Variants in PKIA observed in about 807,000 individuals in gnomAD.
PKIA encodes the protein cAMP-dependent protein kinase inhibitor alpha, also known as PKI-alpha.
PKIA carries 4 observed loss-of-function variants against 7.6 expected under a neutral mutation model. That is an observed-to-expected ratio of 0.52 (90% CI 0.26 to 1.20). The LOEUF (loss-of-function observed/expected upper bound fraction) is 1.20. PKIA is among the 50% of genes most tolerant of loss of function. PKIA has a pLI of 0.13. For missense variants in PKIA, 73 were observed against 86.2 expected (o/e 0.85, Z 0.61); for synonymous variants, 21 against 30.7 (o/e 0.68, Z 1.04).
At chr8:78,563,911 T>TG (rs1201268727) in intron 1 of PKIA, among the ~76,000 whole-genome samples, 39 of 152,230 alleles carry the variant, frequency 2.6e-4, no homozygotes, top group African/African-American at 7.9e-4. Flanking sequence ...AGGTCGGCTG[T>TG]GGAAGACTCA....
At chr8:78,522,171 A>T (rs1243233145) in intron 1 of PKIA, among the ~76,000 whole-genome samples, 1 of 151,978 alleles carries the variant, frequency 6.6e-6, no homozygotes, top group African/African-American at 2.4e-5. Flanking sequence ...AAACATGGCT[A>T]GCATATAACA....
chr8:78,540,449 GC>G (rs1357878749), intron 1 of PKIA, among the ~76,000 whole-genome samples: 1 of 152,054 alleles, frequency 6.6e-6, no homozygotes, highest in Non-Finnish European at 1.5e-5. Context: ...TCAAATCCCT[GC>G]AGGGCCAAAC....
At chr8:78,555,941 G>C (rs1807122760) in intron 1 of PKIA, among the ~76,000 whole-genome samples, 1 of 151,958 alleles carries the variant, frequency 6.6e-6, no homozygotes, top group South Asian at 2.1e-4. Flanking sequence ...GGCACTGGTG[G>C]GTAAAGGGGT....
chr8:78,554,120 C>T (rs1807065830), intron 1 of PKIA, among the ~76,000 whole-genome samples: 1 of 152,020 alleles, frequency 6.6e-6, no homozygotes, highest in South Asian at 2.1e-4. Context: ...TCACAAGTCA[C>T]AGAAGCAGAA....
intron 2 of PKIA, among the ~76,000 whole-genome samples, chr8:78,592,728 C>G (rs1157963790): frequency 1.3e-5 from 2 of 152,116 alleles, no homozygotes; most frequent in Non-Finnish European, 2.9e-5. Flanking sequence ...TTAAAATTCC[C>G]ACATAGATAA....
In PKIA at chr8:78,603,897, T is replaced by C. The variant is rs1186618937; in HGVS notation, c.*2076T>C. Reference sequence around the variant, plus strand: ...ACTGTTATTAATGCATGTGGTGCCATGCTTGTCTTTAAATATATAAATAGT... The same window carrying C: ...ACTGTTATTAATGCATGTGGTGCCACGCTTGTCTTTAAATATATAAATAGT... On this transcript the variant is annotated 3_prime_UTR_variant, in exon 4 of 4. Transcript: ENST00000396418. 2.0e-5 allele frequency: 3 copies of C among 152,020 alleles called. No individual in the cohort carries two copies. The highest frequency in any genetic ancestry group is 3.9e-4 in the East Asian group (2 of 5,182). The allele number at this position is 152,020 out of a possible 1,614,324, so 9.4% of individuals were successfully genotyped here.
chr8:78,521,067 G>A (rs367892109), intron 1 of PKIA, among the ~76,000 whole-genome samples: 3 of 152,010 alleles, frequency 2.0e-5, no homozygotes, highest in African/African-American at 2.4e-5. Flanking sequence ...AGCTCCGAAC[G>A]TTACACATTC....
At chr8:78,565,108 G>T (rs899706193) in intron 1 of PKIA, among the ~76,000 whole-genome samples, 19 of 151,890 alleles carry the variant, frequency 1.3e-4, no homozygotes, top group African/African-American at 4.1e-4. Context: ...TACCAGAAAA[G>T]ATCAGACTTA....
intron 1 of PKIA, among the ~76,000 whole-genome samples, chr8:78,530,622 C>T (rs1369756741): frequency 2.0e-5 from 3 of 151,938 alleles, no homozygotes; most frequent in South Asian, 4.1e-4. Flanking sequence ...TAAACATTGA[C>T]ATTGCTGATC....
At chr8:78,561,458 T>C (rs1563580185) in intron 1 of PKIA, among the ~76,000 whole-genome samples, 1 of 152,086 alleles carries the variant, frequency 6.6e-6, no homozygotes, top group Non-Finnish European at 1.5e-5. Flanking sequence ...GCCAAGTTTT[T>C]TTGTTTTTTT....
chr8:78,576,116 T>G (rs1479326989), intron 2 of PKIA, among the ~76,000 whole-genome samples: 4 of 152,004 alleles, frequency 2.6e-5, no homozygotes, highest in African/African-American at 4.8e-5. Flanking sequence ...AATGACTTCT[T>G]TAAAGGGCCT....
intron 2 of PKIA, among the ~76,000 whole-genome samples, chr8:78,588,821 G>A (rs1254011966): frequency 2.0e-5 from 3 of 151,624 alleles, no homozygotes; most frequent in Non-Finnish European, 4.4e-5. Context: ...GAAAGAAAAA[G>A]CGATGAATGT....
chr8:78,544,409 A>G (rs1461963016), intron 1 of PKIA, among the ~76,000 whole-genome samples: 1 of 152,136 alleles, frequency 6.6e-6, no homozygotes, highest in Non-Finnish European at 1.5e-5. Context: ...CTACTTTGGG[A>G]AAGGCTGGTT....
At chr8:78,520,804 A>C (rs1452221484) in intron 1 of PKIA, among the ~76,000 whole-genome samples, 1 of 152,200 alleles carries the variant, frequency 6.6e-6, no homozygotes, top group African/African-American at 2.4e-5. Flanking sequence ...TTGTGGATTC[A>C]CTAAAGCTCT....
intron 1 of PKIA, among the ~76,000 whole-genome samples, chr8:78,531,629 C>G (rs981482383): frequency 1.3e-5 from 2 of 152,044 alleles, no homozygotes; most frequent in African/African-American, 4.8e-5. Flanking sequence ...AGTAAAGTAC[C>G]TGTAGTCACA....
chr8:78,554,553 T>C (rs114536009), intron 1 of PKIA, among the ~76,000 whole-genome samples: 1,749 of 152,056 alleles, frequency 0.012, 40 homozygotes, highest in African/African-American at 0.04. Context: ...TCCCTGCAAA[T>C]TGTATTTTAT....
chr8:78,553,518 C>G (rs1807041282), intron 1 of PKIA, among the ~76,000 whole-genome samples: 2 of 151,932 alleles, frequency 1.3e-5, no homozygotes, highest in African/African-American at 4.8e-5. Context: ...TGACTGCTGT[C>G]TCTTATGTAA....
chr8:78,521,328 T>C (rs1370921744), intron 1 of PKIA, among the ~76,000 whole-genome samples: 1 of 152,218 alleles, frequency 6.6e-6, no homozygotes, highest in East Asian at 1.9e-4. Context: ...AGAATGATAA[T>C]TTATGTTCAT....
At chr8:78,537,796 C>G (rs529740729) in intron 1 of PKIA, among the ~76,000 whole-genome samples, 1 of 152,168 alleles carries the variant, frequency 6.6e-6, no homozygotes, top group Non-Finnish European at 1.5e-5. Context: ...AGCAAGCATG[C>G]ATCTTTTGTG....
Sources: gnomAD v4.1 joint callset for allele counts (sites outside exome capture counted in the v4.1 genomes callset) on GRCh38, gnomAD v4.1.1 for gene constraint, MANE v1.5 for transcripts, NCBI Gene and HGNC (gene_info 2026-07-23, HGNC 2026-07-21) for gene names.